LARP7: variants seen among roughly 807,000 people sequenced by gnomAD.
The protein encoded by LARP7 is la-related protein 7.
In LARP7, 52 loss-of-function variants were observed where a neutral mutation model predicts 69.3. The ratio of observed to expected loss-of-function variants is 0.75; its 90% CI spans 0.60 to 0.95. LARP7 has a LOEUF of 0.95. Among genes scored for constraint, LARP7 ranks in the 40% least tolerant of loss-of-function variants. The pLI is 0.00. For synonymous variants in LARP7, 254 were observed against 215.9 expected (o/e 1.18, Z -1.55); for missense variants, 733 against 673.0 (o/e 1.09, Z -0.99).
At chr4:112,654,334 T>C (rs1418608918) in intron 12 of LARP7, 175 bp downstream of exon 12, 2 of 495,578 alleles carry the variant, frequency 4.0e-6, no homozygotes, top group South Asian at 3.4e-5. Flanking sequence ...GATTTCAAAA[T>C]GTATGAAATT....
In LARP7 at chr4:112,647,728, G is replaced by C. The variant is rs2048386123; in HGVS notation, c.1036G>C (p.Asp346His). Residue 346 changes from aspartate to histidine, a missense_variant, in exon 8 of 13, where the codon GAT (aspartate) becomes CAT (histidine). Physicochemically the swap from Asp to His is moderately conservative, Grantham distance 81 (BLOSUM62 -1). Coordinates refer to ENST00000344442, the MANE Select transcript of LARP7 (RefSeq NM_016648.4). ...TACTGAAGAGGAAAAGGATACTGGA[G>C]ATCTAAAAGATAGCTCTCTCTTGAA... ...ISTEEEKDTG[D>H]LKDSSLLKTK... is the part of the protein sequence containing the mutation. 6 of 1,556,190 alleles carry C rather than the reference G, an allele frequency of 3.9e-6. No homozygotes were observed. Among genetic ancestry groups the C allele is most frequent in the African/African-American group, 1.4e-5 (1 of 72,566 alleles).
intron 8 of LARP7, chr4:112,648,543 A>T (rs1407802102): frequency 1.9e-6 from 1 of 529,006 alleles, no homozygotes; most frequent in Non-Finnish European, 3.9e-6. Flanking sequence ...CTTCCATGTT[A>T]AAGTTGAAGG....
At chr4:112,649,102 C>T (rs1033592956) in intron 8 of LARP7, among the ~76,000 whole-genome samples, 2 of 151,944 alleles carry the variant, frequency 1.3e-5, no homozygotes, top group Admixed American at 6.6e-5. Context: ...ATTGCTTCCA[C>T]GGGGTGTTTT....
At chr4:112,647,951 A>C (rs1380309460) in intron 8 of LARP7, 117 bp downstream of exon 8, 1 of 809,060 alleles carries the variant, frequency 1.2e-6, no homozygotes, top group Non-Finnish European at 2.2e-6. Context: ...GCCTGTAGCC[A>C]AGAACTGCAC....
intron 1 of LARP7, among the ~76,000 whole-genome samples, chr4:112,641,514 A>G (rs1404806111): frequency 6.6e-6 from 1 of 151,832 alleles, no homozygotes; most frequent in Non-Finnish European, 1.5e-5. Flanking sequence ...AGAAGCAGGC[A>G]GACTAGTAAT....
At chr4:112,656,902 CT>C (rs914372406) in intron 12 of LARP7, among the ~76,000 whole-genome samples, 9 of 152,064 alleles carry the variant, frequency 5.9e-5, no homozygotes, top group East Asian at 3.9e-4. Context: ...AATATTTTAA[CT>C]TTTTTTTCTC....
Position 112,647,349 on chromosome 4 carries a change from C to G in LARP7, c.797C>G (p.Thr266Ser), listed in dbSNP as rs900139242. The G allele has an allele frequency of 1.9e-6, 3 of 1,613,910 alleles. No individual in the cohort carries two copies. Among genetic ancestry groups the G allele is most frequent in the Non-Finnish European group, 1.7e-6 (2 of 1,179,990 alleles). The stretch of plus-strand genomic sequence containing the variant: ...TCTGAGGGCTCTGACATTGAGTCCA[C>G]TGAACCCCAAAAGCAGTGCTCAAAG... ...PTSEGSDIESTEPQKQCSKKK... is the reference protein window; with the variant it reads ...PTSEGSDIESSEPQKQCSKKK... The change falls in exon 7 of 13, where the codon ACT becomes AGT. Residue 266 changes from threonine to serine, a missense_variant. By Grantham distance (58) the Thr-to-Ser change is moderately conservative. Transcript: ENST00000344442.
chr4:112,645,609 C>T (rs2048163898), intron 2 of LARP7: 1 of 452,954 alleles, frequency 2.2e-6, no homozygotes, highest in Non-Finnish European at 4.4e-6. Context: ...CCTCCACCCC[C>T]TCAGCCCCAC....
chr4:112,657,172 G>C, intron 12 of LARP7, 75 bp from the exon 13 acceptor site: 1 of 264,368 alleles, frequency 3.8e-6, no homozygotes, highest in Non-Finnish European at 7.2e-6. Flanking sequence ...TCATAGTTTT[G>C]TGTGTGTGTG....
chr4:112,646,624 C>A lies in LARP7; in HGVS notation c.340C>A (p.Pro114Thr). ...AGGCACCAGAATCCGGAGGAAAAAA[C>A]CTCTGGGGGAAAGACCAAAGGATGA... Reference protein sequence around the residue: ...LEGTRIRRKKPLGERPKDEDE... With the variant: ...LEGTRIRRKKTLGERPKDEDE... Residue 114 changes from proline to threonine, a missense_variant, in exon 4 of 13, where the codon CCT becomes ACT. Transcript: ENST00000344442. The A allele has an allele frequency of 6.2e-7, 1 of 1,603,138 alleles. No individual in the cohort carries two copies. Among genetic ancestry groups the A allele is most frequent in the East Asian group, 2.2e-5 (1 of 44,564 alleles).
intron 1 of LARP7, among the ~76,000 whole-genome samples, chr4:112,642,492 T>G (rs1162723137): frequency 1.3e-5 from 2 of 152,230 alleles, no homozygotes; most frequent in Non-Finnish European, 2.9e-5. Context: ...CTTTGTACCC[T>G]CTTACTGGAT....
chr4:112,640,528 C>T (rs1578551602), intron 1 of LARP7, among the ~76,000 whole-genome samples: 1 of 151,918 alleles, frequency 6.6e-6, no homozygotes, highest in Admixed American at 6.6e-5. Context: ...ATGATGAAAC[C>T]GCATCTCTAC....
chr4:112,644,036 T>C lies in LARP7; in HGVS notation c.-2-632T>C, dbSNP rs34967921. ...GGCGGGCAGATCACCAGGACAGCAA[T>C]TCAAGACAAACCTGGCAAACATGGT... On this transcript the variant is annotated intron_variant, in intron 1 of 12. Transcript: ENST00000344442. 3.9e-3 allele frequency among the ~76,000 whole-genome samples: 593 copies of C among 151,630 alleles called. 13 individuals carry two copies. The highest frequency in any genetic ancestry group is 0.035 in the Admixed American group (530 of 15,208).
In LARP7 at chr4:112,646,494, A is replaced by C. The variant is rs371322141; in HGVS notation, c.303+43A>C. 19 of 1,316,188 alleles carry C rather than the reference A, an allele frequency of 1.4e-5. No homozygotes were observed. In the African/African-American group the frequency reaches 2.9e-4, roughly 20 times the overall value. The allele number at this position is 1,316,188 out of a possible 1,614,324, so 81.5% of individuals were successfully genotyped here. ...CTACTGTTTATATTTATAGTTTATA[A>C]TTATAAAGAATGTTAACGTAATGAT... On this transcript the variant is annotated intron_variant, in intron 3 of 12. Coordinates refer to ENST00000344442, the MANE Select transcript of LARP7 (RefSeq NM_016648.4).
chr4:112,645,483 C>T (rs1263557351), intron 2 of LARP7: 2 of 455,920 alleles, frequency 4.4e-6, no homozygotes, highest in Non-Finnish European at 8.8e-6. Flanking sequence ...TACAAGAAGG[C>T]ATTTCACCTA....
Position 112,647,213 on chromosome 4 carries a change from A to T in LARP7, c.661A>T (p.Lys221Ter). 1.3e-6 allele frequency: 2 copies of T among 1,589,838 alleles called. No individual in the cohort carries two copies. The highest frequency in any genetic ancestry group is 1.7e-6 in the Non-Finnish European group (2 of 1,173,480). The change falls in exon 7 of 13, where the codon AAA (lysine) becomes TAA (stop). Residue 221 changes from lysine to a stop codon, truncating the protein, a stop_gained. Coordinates refer to ENST00000344442, the MANE Select transcript of LARP7 (RefSeq NM_016648.4). LOFTEE classifies it high-confidence loss of function. ...ALRVVEEKKK[K>*]KKKKGRMKKE... ...CACTTTTACAGAAGAGAAGAAAAAGAAAAAGAAGAAGAAAGGCCGAATGAA... is the reference window on the plus strand; with the variant it reads ...CACTTTTACAGAAGAGAAGAAAAAGTAAAAGAAGAAGAAAGGCCGAATGAA...
intron 1 of LARP7, chr4:112,637,467 T>G (rs1440039061): frequency 6.6e-6 from 1 of 152,126 alleles, no homozygotes; most frequent in Admixed American, 6.5e-5. Context: ...GGGCCCGGCG[T>G]GGGGAGGTTT....
At chr4:112,644,458 G>T in intron 1 of LARP7, 1 of 1,192,584 alleles carries the variant, frequency 8.4e-7, no homozygotes, top group Non-Finnish European at 1.1e-6. Context: ...AAGGTACAAA[G>T]AAACTAAAGC....
At chr4:112,638,805 T>C (rs1305973388) in intron 1 of LARP7, among the ~76,000 whole-genome samples, 1 of 152,248 alleles carries the variant, frequency 6.6e-6, no homozygotes, top group Non-Finnish European at 1.5e-5. Flanking sequence ...CCCATGACTG[T>C]GCTTAAATCT....
Sources: allele counts gnomAD v4.1 joint callset (sites outside exome capture counted in the v4.1 genomes callset), GRCh38; gene constraint gnomAD v4.1.1; transcripts MANE v1.5; gene names NCBI Gene and HGNC (gene_info 2026-07-23, HGNC 2026-07-21).